The following CLCN7 variants were observed in gnomAD, a reference collection of about 807,000 sequenced individuals.
CLCN7 encodes the protein H(+)/Cl(-) exchange transporter 7.
A neutral mutation model predicts 102.1 loss-of-function variants in CLCN7; 60 were observed. That is an observed-to-expected ratio of 0.59 (90% confidence interval 0.48 to 0.73). The LOEUF is 0.73. Among genes scored for constraint, CLCN7 ranks in the 30% least tolerant of loss-of-function variants. CLCN7 has a pLI of 0.00. For missense variants in CLCN7, 962 were observed against 1,125.7 expected, an observed-to-expected ratio of 0.85 and a Z score of 2.08; for synonymous variants, 560 against 490.5, an observed-to-expected ratio of 1.14 and a Z score of -1.87.
rs773086945 is a variant in CLCN7, at chr16:1,450,679, A to C, written c.1448-13T>G. Reference sequence around the variant, plus strand: ...GGGTTGTAGGAGCCTAGGAGAGAAGAGGGGCTGACGGGGCCTCCACGACTC... The same window carrying C: ...GGGTTGTAGGAGCCTAGGAGAGAAGCGGGGCTGACGGGGCCTCCACGACTC... On this transcript the variant is annotated splice_polypyrimidine_tract_variant and intron_variant, in intron 16 of 24. Transcript: ENST00000382745. 1.3e-6 allele frequency: 2 copies of C among 1,590,096 alleles called. No individual in the cohort carries two copies. The highest frequency in any genetic ancestry group is 2.8e-5 in the African/African-American group (2 of 71,756).
At position 1,474,844 on chromosome 16, in the gene CLCN7, G is replaced by T. The variant is rs1460371293; in HGVS notation, c.131C>A (p.Ala44Asp). ...TPLLNGAGPG[A>D]ARQSPRSALF... ...CCTGCCCGGCCTCACCTGGCGCGCA[G>T]CCCCAGGCCCAGCCCCGTTCAGCAG... The change falls in exon 1 of 25, where the codon GCT becomes GAT. Residue 44 changes from alanine (A) to aspartate (D), a missense_variant. By Grantham distance (126) the Ala-to-Asp change is moderately radical. Transcript: ENST00000382745. The T allele has an allele frequency of 4.3e-6, 6 of 1,386,412 alleles. No individual in the cohort carries two copies. The African/African-American group carries it at 9.1e-5, about 21-fold the overall frequency. The allele number at this position is 1,386,412 out of a possible 1,614,324, so 85.9% of individuals were successfully genotyped here.
chr16:1,470,510 C>A (rs1277717512), intron 1 of CLCN7, among the ~76,000 whole-genome samples: 1 of 152,012 alleles, frequency 6.6e-6, no homozygotes. Context: ...AGGTGACACA[C>A]AAAGGCCACA....
rs1043002900 is a variant in CLCN7, at chr16:1,446,329, C to T, written c.*302G>A. ...GCCCTGCCGCTGGCTCCCAAGAGGC[C>T]GATAGCCCGGTAGGGAGGTCACACA... On this transcript the variant is annotated 3_prime_UTR_variant, in exon 25 of 25. Transcript: ENST00000382745. 9 of 701,750 alleles carry T rather than the reference C, an allele frequency of 1.3e-5. No homozygotes were observed. Among genetic ancestry groups the T allele is most frequent in the African/African-American group, 1.0e-4 (6 of 57,364 alleles). 43.5% of individuals were successfully genotyped at this position (701,750 alleles called of 1,614,324 possible). A position where few individuals can be genotyped will look rare whatever the true frequency, so the allele number is the denominator to read the frequency against.
intron 1 of CLCN7, 25 bp from the exon 2 acceptor site, chr16:1,465,363 G>A (rs2038990855): frequency 1.2e-6 from 2 of 1,603,818 alleles, no homozygotes; most frequent in African/African-American, 1.3e-5. Flanking sequence ...GAAATCATGA[G>A]GGCGCTCAGG....
At chr16:1,454,384 C>G (rs545210436) in intron 13 of CLCN7, 27 bp downstream of exon 13, 2 of 1,608,722 alleles carry the variant, frequency 1.2e-6, no homozygotes, top group South Asian at 1.1e-5. Context: ...CGCAGGCCGT[C>G]CCTGCGGTGC....
chr16:1,474,880 C>A lies in CLCN7; in HGVS notation c.95G>T (p.Gly32Val), dbSNP rs537057233. 7.0e-5 allele frequency: 102 copies of A among 1,447,562 alleles called. No homozygotes were observed. Among genetic ancestry groups the A allele is most frequent in the South Asian group, 2.4e-4 (18 of 75,226 alleles). The allele number at this position is 1,447,562 out of a possible 1,614,324, so 89.7% of individuals were successfully genotyped here. A position where few individuals can be genotyped will look rare whatever the true frequency, so the allele number is the denominator to read the frequency against. The change falls in exon 1 of 25, where the codon GGG becomes GTG. Residue 32 changes from glycine to valine, a missense_variant. This residue lies in a region of CLCN7 where 163 missense variants were observed against 137.7 expected (regional missense o/e 1.18). Transcript: ENST00000382745. ...PLLRRTARPG[G>V]GTPLLNGAGP... ...AGCCCCGTTCAGCAGCGGCGTCCCCCCGCCGGGCCGCGCCGTCCTCCGCAG... is the reference window on the plus strand; with the variant it reads ...AGCCCCGTTCAGCAGCGGCGTCCCCACGCCGGGCCGCGCCGTCCTCCGCAG...
At position 1,460,909 on chromosome 16, in the gene CLCN7, C is replaced by T. The variant is rs2038925568; in HGVS notation, c.391G>A (p.Ala131Thr). The T allele has an allele frequency of 3.7e-6, 6 of 1,613,810 alleles. No homozygotes were observed. The highest frequency in any genetic ancestry group is 2.2e-5 in the East Asian group (1 of 44,892). Residue 131 changes from alanine (A) to threonine (T), a missense_variant, in exon 5 of 25, where the codon GCC (alanine) becomes ACC (threonine). Around this residue, in one of 2 missense-constraint regions of CLCN7, gnomAD observed 799 missense variants for 988.0 expected, o/e 0.81. Coordinates refer to ENST00000382745, the MANE Select transcript of CLCN7 (RefSeq NM_001287.6). The part of the protein sequence containing the change: ...TVEIKRWVIC[A>T]LIGILTGLVA... The stretch of plus-strand genomic sequence containing the variant: ...AGGCCCGTGAGGATCCCAATGAGGG[C>T]GCAGATGACCCAGCGCTTGATCTCC...
chr16:1,464,972 C>A (rs564701907), intron 2 of CLCN7, among the ~76,000 whole-genome samples: 1 of 152,080 alleles, frequency 6.6e-6, no homozygotes, highest in Non-Finnish European at 1.5e-5. Flanking sequence ...CACTGCCCCC[C>A]CAAGATCCCT....
At position 1,447,666 on chromosome 16, in the gene CLCN7, G is replaced by C. The variant is rs968607682; in HGVS notation, c.2062C>G (p.Leu688Val). The change falls in exon 22 of 25, where the codon CTA becomes GTA. Residue 688 changes from leucine to valine, a missense_variant. By Grantham distance (32) the Leu-to-Val change is conservative. Around this residue, in one of 2 missense-constraint regions of CLCN7, gnomAD observed 799 missense variants for 988.0 expected, o/e 0.81. Transcript: ENST00000382745. ...AGCCTGGCACGCACCTTGTGCTTTA[G>C]GAGAACGATGAGCTGGGAGCGCAGG... Reference protein sequence around the residue: ...LILRSQLIVLLKHKVFVERSN... With the variant: ...LILRSQLIVLVKHKVFVERSN... The C allele has an allele frequency of 6.4e-7, 1 of 1,558,046 alleles. No individual in the cohort carries two copies. Among genetic ancestry groups the C allele is most frequent in the Admixed American group, 1.9e-5 (1 of 52,106 alleles).
intron 21 of CLCN7, 128 bp from the exon 22 acceptor site, chr16:1,447,842 T>A: frequency 9.7e-7 from 1 of 1,028,066 alleles, no homozygotes; most frequent in Non-Finnish European, 1.5e-6. Context: ...CCCGTGTCGG[T>A]GGCTACCTGC....
At chr16:1,456,024 C>T (rs755436069) in intron 10 of CLCN7, 89 bp downstream of exon 10, 2 of 1,187,508 alleles carry the variant, frequency 1.7e-6, no homozygotes, top group South Asian at 2.6e-5. Flanking sequence ...CTGCCACCCT[C>T]AGCGGGCACT....
In CLCN7 at chr16:1,460,561, C is replaced by T. The variant is rs145568899; in HGVS notation, c.485-34G>A. The T allele has an allele frequency of 3.7e-4, 577 of 1,549,132 alleles. 6 individuals carry two copies. In the African/African-American group the frequency reaches 6.8e-3, roughly 18 times the overall value. ...CATCAAGGAGGGCTGGCTGCTTCCCCGTCATGACCACCCAGCCCAGACCTC... is the reference window on the plus strand; with the variant it reads ...CATCAAGGAGGGCTGGCTGCTTCCCTGTCATGACCACCCAGCCCAGACCTC... On this transcript the variant is annotated intron_variant, in intron 5 of 24. Coordinates refer to ENST00000382745, the MANE Select transcript of CLCN7 (RefSeq NM_001287.6).
rs994819785 is a variant in CLCN7 at position 1,446,518 on chromosome 16, G to A, written c.*113C>T. The stretch of plus-strand genomic sequence containing the variant: ...CTGCCCGCCCAGCTGCAGGGTGCTC[G>A]CCATTGCCACTGCTGGGGAGCATGG... On this transcript the variant is annotated 3_prime_UTR_variant, in exon 25 of 25. Transcript: ENST00000382745. The A allele has an allele frequency of 5.1e-5, 50 of 983,974 alleles. No homozygotes were observed. The highest frequency in any genetic ancestry group is 7.4e-5 in the Non-Finnish European group (47 of 636,534). 61.0% of individuals were successfully genotyped at this position (983,974 alleles called of 1,614,324 possible).
chr16:1,474,302 C>A (rs889978122), intron 1 of CLCN7: 2 of 435,472 alleles, frequency 4.6e-6, no homozygotes, highest in Admixed American at 4.9e-5. Context: ...CCAAGATCAC[C>A]TGAAAGTCGG....
intron 14 of CLCN7, 145 bp from the exon 15 acceptor site, chr16:1,453,038 G>A (rs946183627): frequency 8.2e-7 from 1 of 1,226,070 alleles, no homozygotes; most frequent in Admixed American, 2.0e-5. Context: ...ACGGAGTTTT[G>A]CTCTTGTTGC....
At chr16:1,451,077 G>T (rs924002984) in intron 16 of CLCN7, among the ~76,000 whole-genome samples, 1 of 152,240 alleles carries the variant, frequency 6.6e-6, no homozygotes, top group Non-Finnish European at 1.5e-5. Flanking sequence ...CGTGCAGGGC[G>T]GGTGAGACCG....
chr16:1,461,109 G>A (rs116186418), intron 4 of CLCN7, among the ~76,000 whole-genome samples, 161 bp from the exon 5 acceptor site: 1,694 of 152,380 alleles, frequency 0.011, 37 homozygotes, highest in African/African-American at 0.038. Flanking sequence ...CAACATCTGA[G>A]GCGCACCCGG....
chr16:1,464,574 C>T (rs1200047653), intron 2 of CLCN7, among the ~76,000 whole-genome samples: 10 of 152,240 alleles, frequency 6.6e-5, no homozygotes, highest in Non-Finnish European at 1.2e-4. Flanking sequence ...AGAGCTCAAA[C>T]GGACGCAAGG....
intron 16 of CLCN7, among the ~76,000 whole-genome samples, chr16:1,451,122 C>T (rs1350189618): frequency 6.6e-6 from 1 of 152,252 alleles, no homozygotes; most frequent in African/African-American, 2.4e-5. Flanking sequence ...AAGGCCGGCA[C>T]TCCAAGGTCG....
Sources: gnomAD v4.1 joint callset for allele counts (sites outside exome capture counted in the v4.1 genomes callset) on GRCh38, gnomAD v4.1.1 for gene constraint, gnomAD v4.1.1 regional missense constraint, MANE v1.5 for transcripts, NCBI Gene and HGNC (gene_info 2026-07-23, HGNC 2026-07-21) for gene names.